CCDC102B: variants seen among roughly 807,000 people sequenced by gnomAD.
The protein encoded by CCDC102B is coiled-coil domain containing 102B.
CCDC102B carries 75 observed loss-of-function variants against 57.4 expected under a neutral mutation model. That is an observed-to-expected ratio of 1.31 (90% CI 1.08 to 1.58). CCDC102B has a LOEUF of 1.58. Ranked by LOEUF, CCDC102B falls within the 40% of genes most tolerant of loss-of-function variation. The pLI is 0.00. For synonymous variants in CCDC102B, 206 were observed against 201.9 expected (o/e 1.02, Z -0.17); for missense variants, 636 against 582.6 (o/e 1.09, Z -0.94).
At chr18:68,906,277 G>C (rs6566395) in intron 6 of CCDC102B, among the ~76,000 whole-genome samples, 136,802 of 152,180 alleles carry the variant, frequency 0.9, 61,565 homozygotes, top group Admixed American at 0.92. Flanking sequence ...TAGTGCTGCT[G>C]TAATCATGCA....
chr18:69,043,036 G>A (rs140464203), intron 7 of CCDC102B, among the ~76,000 whole-genome samples: 4 of 152,084 alleles, frequency 2.6e-5, no homozygotes, highest in East Asian at 1.9e-4. Flanking sequence ...TTGATCATTC[G>A]TGGGTGTTTC....
intron 7 of CCDC102B, among the ~76,000 whole-genome samples, chr18:69,044,758 G>T (rs1173887789): frequency 6.6e-6 from 1 of 152,140 alleles, no homozygotes. Flanking sequence ...CCACGTTTGG[G>T]ATCTCTTCCT....
chr18:68,778,433 A>G (rs1489223020), intron 2 of CCDC102B, among the ~76,000 whole-genome samples: 1 of 152,110 alleles, frequency 6.6e-6, no homozygotes, highest in Non-Finnish European at 1.5e-5. Context: ...AGTAGCTGCA[A>G]CACTGTTTTA....
At chr18:69,006,355 A>G (rs2163474) in intron 6 of CCDC102B, among the ~76,000 whole-genome samples, 130,436 of 151,982 alleles carry the variant, frequency 0.86, 57,868 homozygotes, top group Non-Finnish European at 0.97. Flanking sequence ...ACAAATTAAC[A>G]GAAATGAATG....
chr18:68,955,773 T>A (rs1233487498), intron 6 of CCDC102B, among the ~76,000 whole-genome samples: 1 of 152,056 alleles, frequency 6.6e-6, no homozygotes, highest in Non-Finnish European at 1.5e-5. Context: ...TACTTTCTCG[T>A]TAATTTTGTG....
chr18:69,016,841 G>A (rs1365009949), intron 7 of CCDC102B, among the ~76,000 whole-genome samples: 2 of 152,046 alleles, frequency 1.3e-5, no homozygotes, highest in Admixed American at 6.6e-5. Flanking sequence ...AGTTTTCTAA[G>A]TGGAATTTCT....
chr18:68,930,912 A>G (rs1178875344), intron 6 of CCDC102B, among the ~76,000 whole-genome samples: 3 of 152,028 alleles, frequency 2.0e-5, no homozygotes, highest in South Asian at 2.1e-4. Context: ...ACACGAACAC[A>G]TACACTTTTT....
chr18:68,994,495 C>T (rs945857996), intron 6 of CCDC102B, among the ~76,000 whole-genome samples: 1 of 151,898 alleles, frequency 6.6e-6, no homozygotes, highest in Admixed American at 6.6e-5. Flanking sequence ...ATAATCCTCC[C>T]CTCTCCCTGA....
intron 6 of CCDC102B, among the ~76,000 whole-genome samples, chr18:68,925,641 A>G (rs952620134): frequency 5.3e-5 from 8 of 152,044 alleles, no homozygotes; most frequent in African/African-American, 1.7e-4. Flanking sequence ...AAGCTATAAC[A>G]TAAGTTGTTT....
At chr18:68,995,017 T>G (rs1412068916) in intron 6 of CCDC102B, among the ~76,000 whole-genome samples, 1 of 152,160 alleles carries the variant, frequency 6.6e-6, no homozygotes, top group African/African-American at 2.4e-5. Flanking sequence ...TGCTAATACC[T>G]TAATGGACAA....
At chr18:68,846,448 G>T in intron 4 of CCDC102B, 27 bp downstream of exon 4, 2 of 1,396,446 alleles carry the variant, frequency 1.4e-6, no homozygotes, top group South Asian at 1.3e-5. Flanking sequence ...TGTAAAGGAA[G>T]AAATGAAGCC....
At chr18:68,986,678 A>G (rs984540710) in intron 6 of CCDC102B, among the ~76,000 whole-genome samples, 6 of 151,930 alleles carry the variant, frequency 3.9e-5, no homozygotes, top group African/African-American at 1.5e-4. Flanking sequence ...AGATACCACC[A>G]AAAGTCTCCT....
At chr18:69,047,376 T>C (rs1207908058) in intron 7 of CCDC102B, among the ~76,000 whole-genome samples, 1 of 152,090 alleles carries the variant, frequency 6.6e-6, no homozygotes, top group African/African-American at 2.4e-5. Flanking sequence ...AACTAGGCAT[T>C]GAAGGACCAT....
chr18:68,973,765 A>G (rs953744327), intron 6 of CCDC102B, among the ~76,000 whole-genome samples: 3 of 152,130 alleles, frequency 2.0e-5, no homozygotes, highest in Non-Finnish European at 4.4e-5. Context: ...TTATGTTTGT[A>G]CAAACAGTGT....
intron 2 of CCDC102B, among the ~76,000 whole-genome samples, chr18:68,757,390 CTT>C (rs1340950614): frequency 6.6e-6 from 1 of 151,960 alleles, no homozygotes. Flanking sequence ...CAAAAATAGA[CTT>C]AATCTAAAAC....
In CCDC102B at chr18:68,922,317, C is replaced by T. The variant is rs987337120; in HGVS notation, c.1263+24889C>T. Among the ~76,000 whole-genome samples, 10 of 152,110 alleles carry T rather than the reference C, an allele frequency of 6.6e-5. No individual in the cohort carries two copies. The East Asian group carries it at 1.4e-3, about 21-fold the overall frequency. ...AACTCATACAAGAATTGCTGATATA[C>T]GGCTTATGCTGTCTCAGAGGGGACA... is the stretch of plus-strand genomic sequence containing the variant. On this transcript the variant is annotated intron_variant, in intron 6 of 7. Transcript: ENST00000360242.
chr18:68,805,973 T>G (rs2036020457), intron 1 of CCDC102B, among the ~76,000 whole-genome samples: 1 of 152,172 alleles, frequency 6.6e-6, no homozygotes, highest in Non-Finnish European at 1.5e-5. Context: ...TGATCAGTCC[T>G]ACAGACTGTA....
chr18:68,986,425 T>G (rs2145309422), intron 6 of CCDC102B, among the ~76,000 whole-genome samples: 1 of 152,260 alleles, frequency 6.6e-6, no homozygotes, highest in South Asian at 2.1e-4. Flanking sequence ...CAGGAAAAGC[T>G]TTTGATAGAA....
rs576312302 is a variant in CCDC102B, at chr18:68,879,225, C to T, written c.1053+4440C>T. On this transcript the variant is annotated intron_variant, in intron 5 of 7. Transcript: ENST00000360242. ...AGTTGTTCATTCCTCCCGGTGGGCT[C>T]TTGGTCTCGCTGGCTTCAGGAGTGA... 6.1e-4 allele frequency among the ~76,000 whole-genome samples: 93 copies of T among 152,026 alleles called. 1 individual carries two copies. The highest frequency in any genetic ancestry group is 1.1e-3 in the Non-Finnish European group (75 of 68,006).
Sources: gnomAD v4.1 joint callset for allele counts (sites outside exome capture counted in the v4.1 genomes callset) on GRCh38, gnomAD v4.1.1 for gene constraint, MANE v1.5 for transcripts, NCBI Gene and HGNC (gene_info 2026-07-23, HGNC 2026-07-21) for gene names.